Variants in KCNH1 observed in about 807,000 individuals in gnomAD.
KCNH1 encodes the protein voltage-gated delayed rectifier potassium channel KCNH1.
Under a neutral mutation model 69.2 loss-of-function variants are expected in KCNH1, and 27 were observed. The observed-to-expected ratio is 0.39, with a 90% CI of 0.29 to 0.54. The LOEUF is 0.54. KCNH1 is among the 20% of genes least tolerant of loss of function. KCNH1 has a pLI of 0.68. For missense variants in KCNH1, 798 were observed against 1,261.6 expected (o/e 0.63, Z 5.57); for synonymous variants, 456 against 487.7 (o/e 0.93, Z 0.86).
At chr1:211,100,415 C>A (rs1691236629) in intron 3 of KCNH1, among the ~76,000 whole-genome samples, 1 of 152,110 alleles carries the variant, frequency 6.6e-6, no homozygotes, top group African/African-American at 2.4e-5. Context: ...AGCAGTGGCA[C>A]AATCTCAGCT....
intron 5 of KCNH1, among the ~76,000 whole-genome samples, chr1:211,078,125 C>T (rs1690771588): frequency 1.3e-5 from 2 of 152,094 alleles, no homozygotes; most frequent in Admixed American, 6.6e-5. Flanking sequence ...AAAGCAAGTC[C>T]TTAGAGACCT....
At chr1:210,726,840 C>T (rs1682608498) in intron 10 of KCNH1, among the ~76,000 whole-genome samples, 1 of 152,090 alleles carries the variant, frequency 6.6e-6, no homozygotes, top group South Asian at 2.1e-4. Flanking sequence ...CTCCTCTATT[C>T]ATTTAAAAGT....
At chr1:210,907,410 G>C (rs755240627) in intron 7 of KCNH1, among the ~76,000 whole-genome samples, 2 of 152,062 alleles carry the variant, frequency 1.3e-5, no homozygotes, top group Non-Finnish European at 2.9e-5. Context: ...AATAAGCTTT[G>C]TCTAGGAACA....
At chr1:210,693,972 G>C (rs866155453) in intron 10 of KCNH1, among the ~76,000 whole-genome samples, 5 of 152,196 alleles carry the variant, frequency 3.3e-5, no homozygotes. Flanking sequence ...TTAGGAGCCT[G>C]CTTGCCCGCT....
intron 7 of KCNH1, among the ~76,000 whole-genome samples, chr1:210,899,474 T>C (rs1686946615): frequency 7.3e-6 from 1 of 137,442 alleles, no homozygotes; most frequent in African/African-American, 3.0e-5. Flanking sequence ...TATTGAGATA[T>C]ATATCTCACT....
intron 5 of KCNH1, among the ~76,000 whole-genome samples, chr1:211,080,736 A>C (rs908370035): frequency 3.3e-5 from 5 of 152,242 alleles, no homozygotes; most frequent in Non-Finnish European, 5.9e-5. Flanking sequence ...TCTATTTAAT[A>C]AATGGTGCTG....
At chr1:210,986,108 C>G (rs913951804) in intron 6 of KCNH1, among the ~76,000 whole-genome samples, 1 of 152,118 alleles carries the variant, frequency 6.6e-6, no homozygotes, top group Non-Finnish European at 1.5e-5. Context: ...ATTGCAACCC[C>G]TGCCTTTTTT....
intron 10 of KCNH1, among the ~76,000 whole-genome samples, chr1:210,760,252 A>G (rs1327080012): frequency 6.6e-6 from 1 of 152,208 alleles, no homozygotes; most frequent in Non-Finnish European, 1.5e-5. Context: ...AAAGGCAGCT[A>G]GATAAAAAGG....
At chr1:210,797,781 A>G (rs1684348228) in intron 8 of KCNH1, 21 bp from the exon 9 acceptor site, 1 of 1,603,406 alleles carries the variant, frequency 6.2e-7, no homozygotes, top group South Asian at 1.1e-5. Flanking sequence ...ACAGAAAAAA[A>G]CAGTGTGAGG....
intron 7 of KCNH1, among the ~76,000 whole-genome samples, chr1:210,835,606 G>C (rs1017705463): frequency 4.6e-5 from 7 of 152,122 alleles, no homozygotes; most frequent in African/African-American, 2.4e-5. Context: ...GAGTAATTTA[G>C]ACCATACCAA....
At chr1:210,808,260 T>C (rs1370226792) in intron 7 of KCNH1, among the ~76,000 whole-genome samples, 1 of 152,148 alleles carries the variant, frequency 6.6e-6, no homozygotes, top group Non-Finnish European at 1.5e-5. Context: ...TTAGGATGGA[T>C]CCCAGAAAAT....
intron 1 of KCNH1, among the ~76,000 whole-genome samples, chr1:211,109,475 C>T (rs1691419699): frequency 6.6e-6 from 1 of 152,158 alleles, no homozygotes; most frequent in Admixed American, 6.5e-5. Flanking sequence ...AAATTACTCC[C>T]AAGTGTATAT....
At chr1:211,109,292 G>A (rs1258899930) in intron 1 of KCNH1, among the ~76,000 whole-genome samples, 1 of 152,156 alleles carries the variant, frequency 6.6e-6, no homozygotes, top group Non-Finnish European at 1.5e-5. Flanking sequence ...CAGGAAGAGT[G>A]GCAGGATGAG....
At position 210,977,278 on chromosome 1, in the gene KCNH1, A is replaced by C. The variant is rs563108249; in HGVS notation, c.1032+41505T>G. Among the ~76,000 whole-genome samples the C allele has an allele frequency of 3.0e-4, 45 of 152,190 alleles. 1 individual carries two copies. The highest frequency in any genetic ancestry group is 1.2e-3 in the Admixed American group (18 of 15,286). ...TAGGACACAGGAAGGGGAACATCAC[A>C]CACTGGGGCCTGTCGTGAGGTGGGG... On this transcript the variant is annotated intron_variant, in intron 6 of 10. Coordinates refer to ENST00000271751, the MANE Select transcript of KCNH1 (RefSeq NM_172362.3).
chr1:210,795,253 C>A (rs1217366714), intron 9 of KCNH1, among the ~76,000 whole-genome samples: 1 of 152,010 alleles, frequency 6.6e-6, no homozygotes, highest in Non-Finnish European at 1.5e-5. Flanking sequence ...CGCTTCTGAT[C>A]CTCCCACCTA....
At chr1:210,799,067 AAAAT>A (rs1321698848) in intron 8 of KCNH1, among the ~76,000 whole-genome samples, 1 of 152,182 alleles carries the variant, frequency 6.6e-6, no homozygotes, top group Admixed American at 6.5e-5. Flanking sequence ...AATAGTAAGC[AAAAT>A]AAATAAAATT....
chr1:210,822,322 G>C (rs1684945347), intron 7 of KCNH1, among the ~76,000 whole-genome samples: 2 of 152,132 alleles, frequency 1.3e-5, no homozygotes, highest in Admixed American at 6.5e-5. Context: ...AGAGTAGTGA[G>C]AGATGAGGAT....
chr1:210,976,946 C>A (rs906065739), intron 6 of KCNH1, among the ~76,000 whole-genome samples: 5 of 150,254 alleles, frequency 3.3e-5, no homozygotes, highest in African/African-American at 1.2e-4. Flanking sequence ...CCCAGCCATC[C>A]CATTACTGGG....
intron 7 of KCNH1, among the ~76,000 whole-genome samples, chr1:210,894,912 C>T (rs976579709): frequency 6.6e-6 from 1 of 152,164 alleles, no homozygotes; most frequent in Non-Finnish European, 1.5e-5. Context: ...CAGGCCAAGA[C>T]AATACTCTCC....
Sources: allele counts gnomAD v4.1 joint callset (sites outside exome capture counted in the v4.1 genomes callset), GRCh38; gene constraint gnomAD v4.1.1; transcripts MANE v1.5; gene names NCBI Gene and HGNC (gene_info 2026-07-23, HGNC 2026-07-21).